The following RGS17 variants were observed in gnomAD, a reference collection of about 807,000 sequenced individuals.
The protein encoded by RGS17 is regulator of G protein signaling 17, also known as regulator of G-protein signaling 17.
In RGS17, 12 loss-of-function variants were observed where a neutral mutation model predicts 25.5. The ratio of observed to expected loss-of-function variants is 0.47; its 90% CI spans 0.30 to 0.76. RGS17 has a LOEUF of 0.76. Among genes scored for constraint, RGS17 ranks in the 30% least tolerant of loss-of-function variants. RGS17 has a pLI of 0.07. For missense variants in RGS17, 196 were observed against 242.2 expected (o/e 0.81, Z 1.27); for synonymous variants, 71 against 76.9 (o/e 0.92, Z 0.40).
rs371472124 is a variant in RGS17, at chr6:153,015,810, C to T, written c.445-4048G>A. On this transcript the variant is annotated intron_variant, in intron 4 of 4. Transcript: ENST00000206262. The stretch of plus-strand genomic sequence containing the variant: ...CGGGGACTACAGGCGCCCGCCACCA[C>T]GCCCGGCTAATTTTTTGTATTTTTA... Among the ~76,000 whole-genome samples the T allele has an allele frequency of 7.4e-4, 112 of 152,164 alleles. 1 individual carries two copies. Among genetic ancestry groups the T allele is most frequent in the African/African-American group, 2.5e-3 (102 of 41,528 alleles).
chr6:153,091,270 T>C (rs1777126568), intron 1 of RGS17, among the ~76,000 whole-genome samples: 1 of 152,138 alleles, frequency 6.6e-6, no homozygotes, highest in Non-Finnish European at 1.5e-5. Context: ...GATTCTAAAA[T>C]ACACTCCCCT....
At position 153,011,734 on chromosome 6, in the gene RGS17, A is replaced by G. The variant is rs1584116169; in HGVS notation, c.473T>C (p.Val158Ala). 1 of 1,610,296 alleles carries G rather than the reference A, an allele frequency of 6.2e-7. No homozygotes were observed. Among genetic ancestry groups the G allele is most frequent in the East Asian group, 2.2e-5 (1 of 44,798 alleles). ...EVSLDSRVRE[V>A]INRNLLDPNP... ...GGGATCCAACAGATTTCTATTGATC[A>G]CCTCTCTAACTCGAGAATCAAGACT... is the stretch of plus-strand genomic sequence containing the variant. Residue 158 changes from valine (V) to alanine (A), a missense_variant, in exon 5 of 5, where the codon GTG becomes GCG. Coordinates refer to ENST00000206262, the MANE Select transcript of RGS17 (RefSeq NM_012419.5).
intron 1 of RGS17, among the ~76,000 whole-genome samples, chr6:153,097,560 G>A (rs1777236420): frequency 6.6e-6 from 1 of 151,954 alleles, no homozygotes; most frequent in African/African-American, 2.4e-5. Context: ...TGGAAGCCTG[G>A]GAGCAGGGCG....
At chr6:153,080,996 T>A (rs980211148) in intron 1 of RGS17, among the ~76,000 whole-genome samples, 35 of 152,140 alleles carry the variant, frequency 2.3e-4, no homozygotes, top group Admixed American at 1.0e-3. Context: ...TAGATTTTTT[T>A]AAATTTAAGA....
chr6:153,063,241 C>T (rs981537754), intron 1 of RGS17, among the ~76,000 whole-genome samples: 1 of 152,050 alleles, frequency 6.6e-6, no homozygotes, highest in African/African-American at 2.4e-5. Flanking sequence ...AAATAAGCCA[C>T]CAAGGATTAA....
At chr6:153,015,723 G>C (rs904913737) in intron 4 of RGS17, among the ~76,000 whole-genome samples, 1 of 150,840 alleles carries the variant, frequency 6.6e-6, no homozygotes. Context: ...GCGCGATCTC[G>C]GCTCACTGCA....
At chr6:153,127,639 T>C (rs996268725) in intron 1 of RGS17, among the ~76,000 whole-genome samples, 1 of 152,166 alleles carries the variant, frequency 6.6e-6, no homozygotes, top group African/African-American at 2.4e-5. Flanking sequence ...ATAGGTAATT[T>C]TGTATCGTAG....
At chr6:153,087,826 GAGA>G (rs1777072782) in intron 1 of RGS17, among the ~76,000 whole-genome samples, 1 of 152,146 alleles carries the variant, frequency 6.6e-6, no homozygotes, top group Non-Finnish European at 1.5e-5. Flanking sequence ...TATGTAAAGG[GAGA>G]AGACTTCTGA....
intron 1 of RGS17, among the ~76,000 whole-genome samples, chr6:153,089,274 G>A (rs1314133711): frequency 1.3e-5 from 2 of 151,828 alleles, no homozygotes; most frequent in African/African-American, 4.8e-5. Flanking sequence ...AGAGGTTTGA[G>A]TAGGGGGAAG....
At chr6:153,067,838 C>A (rs969832675) in intron 1 of RGS17, among the ~76,000 whole-genome samples, 2 of 152,096 alleles carry the variant, frequency 1.3e-5, no homozygotes, top group South Asian at 4.1e-4. Context: ...CCACAAAAGA[C>A]CCAGAATTGC....
At chr6:153,081,035 G>A (rs1490798299) in intron 1 of RGS17, among the ~76,000 whole-genome samples, 1 of 151,874 alleles carries the variant, frequency 6.6e-6, no homozygotes, top group South Asian at 2.1e-4. Flanking sequence ...AGCATCTATT[G>A]TGATATATAT....
chr6:153,042,177 T>C (rs1205442673), intron 2 of RGS17, among the ~76,000 whole-genome samples: 1 of 152,208 alleles, frequency 6.6e-6, no homozygotes, highest in Non-Finnish European at 1.5e-5. Flanking sequence ...TACACAACTA[T>C]GATTGAAATA....
At chr6:153,062,040 G>A (rs1776646095) in intron 1 of RGS17, among the ~76,000 whole-genome samples, 1 of 152,182 alleles carries the variant, frequency 6.6e-6, no homozygotes, top group African/African-American at 2.4e-5. Flanking sequence ...TTGTTGGAGA[G>A]TGAATAAAGA....
At chr6:153,086,365 C>G (rs904955052) in intron 1 of RGS17, among the ~76,000 whole-genome samples, 1 of 152,038 alleles carries the variant, frequency 6.6e-6, no homozygotes, top group East Asian at 1.9e-4. Context: ...AACAAAATAC[C>G]AGTGATGACT....
chr6:153,032,117 C>T (rs962117482), intron 2 of RGS17, among the ~76,000 whole-genome samples: 3 of 152,076 alleles, frequency 2.0e-5, no homozygotes, highest in Non-Finnish European at 4.4e-5. Flanking sequence ...AAAACTAAAA[C>T]CCCAAACCAA....
intron 4 of RGS17, among the ~76,000 whole-genome samples, chr6:153,014,827 T>G (rs1779167410): frequency 6.6e-6 from 1 of 150,920 alleles, no homozygotes; most frequent in Non-Finnish European, 1.5e-5. Flanking sequence ...ACCCATTTCA[T>G]AAAGCTATCG....
intron 1 of RGS17, among the ~76,000 whole-genome samples, chr6:153,111,089 C>A (rs1242277160): frequency 6.6e-6 from 1 of 151,790 alleles, no homozygotes; most frequent in East Asian, 1.9e-4. Context: ...GCCAGTGAGA[C>A]AGAACTGTTC....
intron 1 of RGS17, among the ~76,000 whole-genome samples, chr6:153,123,673 A>C (rs547647437): frequency 1.5e-4 from 23 of 152,334 alleles, no homozygotes; most frequent in African/African-American, 5.5e-4. Context: ...TATATTATAA[A>C]CAGATTGTAA....
chr6:153,049,770 A>G lies in RGS17; in HGVS notation c.-25-5727T>C, dbSNP rs1369527984. 3.3e-5 allele frequency among the ~76,000 whole-genome samples: 5 copies of G among 152,154 alleles called. No homozygotes were observed. In the South Asian group the frequency reaches 1.0e-3, roughly 32 times the overall value. ...CTTCTCAAAATAAATAAATAAATAA[A>G]TAAATAAATTCAATGTGATCACAGT... On this transcript the variant is annotated intron_variant, in intron 1 of 4. Transcript: ENST00000206262.
Sources: allele counts gnomAD v4.1 joint callset (sites outside exome capture counted in the v4.1 genomes callset), GRCh38; gene constraint gnomAD v4.1.1; transcripts MANE v1.5; gene names NCBI Gene and HGNC (gene_info 2026-07-23, HGNC 2026-07-21).